Variants in CCSER1 observed in about 807,000 individuals in gnomAD.
CCSER1 encodes the protein coiled-coil serine rich protein 1.
CCSER1 carries 41 observed loss-of-function variants against 82.0 expected under a neutral mutation model. The ratio of observed to expected loss-of-function variants is 0.50; its 90% CI spans 0.39 to 0.65. The LOEUF (loss-of-function observed/expected upper bound fraction) is 0.65. Among genes scored for constraint, CCSER1 ranks in the 30% least tolerant of loss-of-function variants. The pLI is 0.00. For missense variants in CCSER1, 1,119 were observed against 1,064.2 expected (o/e 1.05, Z -0.72); for synonymous variants, 414 against 383.9 (o/e 1.08, Z -0.92).
intron 7 of CCSER1, among the ~76,000 whole-genome samples, chr4:90,729,695 G>A (rs1744347050): frequency 6.6e-6 from 1 of 152,030 alleles, no homozygotes; most frequent in Non-Finnish European, 1.5e-5. Context: ...CTAACAGGGT[G>A]AAATCCCGTC....
chr4:90,392,237 TTAA>T lies in CCSER1; in HGVS notation c.1510-7792_1510-7790del, dbSNP rs200666171. On this transcript the variant is annotated intron_variant, in intron 3 of 10. Transcript: ENST00000509176. The stretch of plus-strand genomic sequence containing the variant: ...CTCATCAGTTTTCTTTTTCTATTAC[TTAA>T]TAATAAAATTATATTTACTTTATTC... Among the ~76,000 whole-genome samples, 1,348 of 152,098 alleles carry T rather than the reference TTAA, an allele frequency of 8.9e-3. 15 individuals are homozygous for T. Among genetic ancestry groups the T allele is most frequent in the Non-Finnish European group, 0.01 (690 of 67,920 alleles).
intron 3 of CCSER1, among the ~76,000 whole-genome samples, chr4:90,356,160 T>C (rs1744343641): frequency 6.6e-6 from 1 of 151,914 alleles, no homozygotes; most frequent in African/African-American, 2.4e-5. Flanking sequence ...CAACTTACAG[T>C]ATATCAAACA....
intron 3 of CCSER1, among the ~76,000 whole-genome samples, chr4:90,336,479 C>T (rs1740420262): frequency 6.6e-6 from 1 of 152,138 alleles, no homozygotes; most frequent in Non-Finnish European, 1.5e-5. Context: ...CCAGTTTTCA[C>T]CTGTCTTCTT....
chr4:90,884,740 T>C (rs1019012359), intron 8 of CCSER1, among the ~76,000 whole-genome samples: 1 of 152,126 alleles, frequency 6.6e-6, no homozygotes, highest in African/African-American at 2.4e-5. Flanking sequence ...ACAGACTTAG[T>C]GTAAACTACA....
intron 9 of CCSER1, among the ~76,000 whole-genome samples, chr4:90,957,129 GTC>G (rs1733533358): frequency 1.1e-5 from 1 of 87,494 alleles, no homozygotes; most frequent in Non-Finnish European, 2.2e-5. Flanking sequence ...TTGAGACAGA[GTC>G]TCGCTCTGTC....
chr4:90,732,563 T>C (rs571611297), intron 7 of CCSER1, among the ~76,000 whole-genome samples: 2 of 152,316 alleles, frequency 1.3e-5, no homozygotes, highest in African/African-American at 4.8e-5. Flanking sequence ...GTACAAATAT[T>C]GTTTGTACAA....
intron 1 of CCSER1, among the ~76,000 whole-genome samples, chr4:90,199,983 T>G (rs1224565854): frequency 6.6e-6 from 1 of 151,778 alleles, no homozygotes; most frequent in Non-Finnish European, 1.5e-5. Context: ...AATGCAATAT[T>G]TTTCCCATTA....
chr4:90,671,148 G>A (rs775180933), intron 6 of CCSER1, among the ~76,000 whole-genome samples: 1 of 152,070 alleles, frequency 6.6e-6, no homozygotes, highest in Non-Finnish European at 1.5e-5. Context: ...GTCTTGCCTT[G>A]ATGTTGATGG....
chr4:90,724,124 G>GT (rs147392922), intron 7 of CCSER1, 133 bp downstream of exon 7: 93,567 of 525,004 alleles, frequency 0.18, 10,698 homozygotes, highest in African/African-American at 0.4. Flanking sequence ...TCTTAAAATC[G>GT]TTTTTTTGTG....
intron 4 of CCSER1, among the ~76,000 whole-genome samples, chr4:90,410,742 A>G (rs1754635376): frequency 1.3e-5 from 2 of 152,218 alleles, no homozygotes; most frequent in South Asian, 4.1e-4. Flanking sequence ...AACACATTCA[A>G]CAGCTAGGAG....
rs559763546 is a variant in CCSER1, at chr4:91,218,436, G to T, written c.2217+132442G>T. The stretch of plus-strand genomic sequence containing the variant: ...GCTCCCACAGTGCAGTGGGGGCACT[G>T]AAGGGCTCCTCAAATGCCGCCAAAG... On this transcript the variant is annotated intron_variant, in intron 10 of 10. Coordinates refer to ENST00000509176, the MANE Select transcript of CCSER1 (RefSeq NM_001145065.2). 2.3e-4 allele frequency among the ~76,000 whole-genome samples: 35 copies of T among 152,322 alleles called. No individual in the cohort carries two copies. In the East Asian group the frequency reaches 6.2e-3, roughly 27 times the overall value.
chr4:90,920,571 A>AT (rs1728227390), intron 8 of CCSER1, among the ~76,000 whole-genome samples: 1 of 151,864 alleles, frequency 6.6e-6, no homozygotes, highest in East Asian at 1.9e-4. Flanking sequence ...ATAGTAATTC[A>AT]TTTTTCTGGT....
chr4:91,438,099 G>A (rs940674266), intron 10 of CCSER1, among the ~76,000 whole-genome samples: 4 of 152,150 alleles, frequency 2.6e-5, no homozygotes, highest in African/African-American at 9.7e-5. Context: ...AGACTTAAAT[G>A]TCCCTGTCTG....
At chr4:90,500,164 T>C (rs1488585187) in intron 5 of CCSER1, among the ~76,000 whole-genome samples, 1 of 152,130 alleles carries the variant, frequency 6.6e-6, no homozygotes, top group Non-Finnish European at 1.5e-5. Context: ...ATCATCTCTA[T>C]GAGTTCATCA....
intron 7 of CCSER1, among the ~76,000 whole-genome samples, chr4:90,729,946 C>T (rs1159681750): frequency 1.3e-5 from 2 of 152,002 alleles, no homozygotes; most frequent in East Asian, 3.8e-4. Context: ...CAGGCATACA[C>T]CATAGCAACT....
At chr4:90,304,366 T>G (rs372415947) in intron 1 of CCSER1, among the ~76,000 whole-genome samples, 6 of 152,306 alleles carry the variant, frequency 3.9e-5, no homozygotes, top group Admixed American at 3.3e-4. Flanking sequence ...TATTGCGGCA[T>G]TATTCACAAC....
At chr4:90,233,740 T>C (rs1412592826) in intron 1 of CCSER1, among the ~76,000 whole-genome samples, 1 of 151,456 alleles carries the variant, frequency 6.6e-6, no homozygotes, top group Non-Finnish European at 1.5e-5. Flanking sequence ...AAGAGAAAAT[T>C]ATTATAGAAA....
intron 1 of CCSER1, among the ~76,000 whole-genome samples, chr4:90,150,356 A>G (rs932822780): frequency 1.4e-4 from 21 of 152,194 alleles, no homozygotes; most frequent in African/African-American, 4.8e-4. Flanking sequence ...AACATCAGTC[A>G]CTGTTGCAAA....
intron 10 of CCSER1, among the ~76,000 whole-genome samples, chr4:91,411,405 G>A (rs1753010039): frequency 7.0e-6 from 1 of 143,488 alleles, no homozygotes; most frequent in South Asian, 2.2e-4. Flanking sequence ...TATTCTGCAA[G>A]GGTTTTGAAT....
Sources: allele counts gnomAD v4.1 joint callset (sites outside exome capture counted in the v4.1 genomes callset), GRCh38; gene constraint gnomAD v4.1.1; transcripts MANE v1.5; gene names NCBI Gene and HGNC (gene_info 2026-07-23, HGNC 2026-07-21).